Variants in COL23A1 observed in about 807,000 individuals in gnomAD.
The protein encoded by COL23A1 is collagen alpha-1(XXIII) chain.
Under a neutral mutation model 99.3 loss-of-function variants are expected in COL23A1, and 97 were observed. That is an observed-to-expected ratio of 0.98 (90% confidence interval 0.83 to 1.16). COL23A1 has a LOEUF of 1.16. COL23A1 is among the 50% of genes most tolerant of loss of function. The probability of loss-of-function intolerance (pLI) is 0.00; values close to 1 mark genes in which losing one functional copy is unlikely to be tolerated. For synonymous variants in COL23A1, 320 were observed against 308.2 expected, an observed-to-expected ratio of 1.04 and a Z score of -0.40; for missense variants, 762 against 757.4, an observed-to-expected ratio of 1.01 and a Z score of -0.07.
intron 2 of COL23A1, among the ~76,000 whole-genome samples, chr5:178,466,429 T>G (rs988111496): frequency 6.6e-6 from 1 of 152,204 alleles, no homozygotes; most frequent in South Asian, 2.1e-4. Context: ...GTGTTGATTC[T>G]AAGGCTTCCT....
chr5:178,319,393 G>A (rs767786248), intron 2 of COL23A1, among the ~76,000 whole-genome samples: 3 of 152,148 alleles, frequency 2.0e-5, no homozygotes, highest in Admixed American at 6.5e-5. Flanking sequence ...AGAATGAAAA[G>A]CTCTATTTTT....
At position 178,552,997 on chromosome 5, in the gene COL23A1, T is replaced by C. The variant is rs142951662; in HGVS notation, c.361+7685A>G. Among the ~76,000 whole-genome samples the C allele has an allele frequency of 6.0e-3, 909 of 152,146 alleles. 11 individuals are homozygous for C. Among genetic ancestry groups the C allele is most frequent in the African/African-American group, 0.02 (827 of 41,526 alleles). ...TGCTGGGATTACAGGCGTGAGCCAC[T>C]GCGCCTGGCCAGGAAAATTTTTTTT... On this transcript the variant is annotated intron_variant, in intron 2 of 28. Coordinates refer to ENST00000390654, the MANE Select transcript of COL23A1 (RefSeq NM_173465.4).
intron 2 of COL23A1, among the ~76,000 whole-genome samples, chr5:178,553,326 T>C (rs1425938710): frequency 3.9e-5 from 6 of 152,212 alleles, no homozygotes; most frequent in Admixed American, 3.9e-4. Flanking sequence ...ATCAACGAAA[T>C]GTATCAGGTT....
intron 2 of COL23A1, among the ~76,000 whole-genome samples, chr5:178,394,786 G>A (rs896417926): frequency 1.8e-4 from 28 of 152,202 alleles, no homozygotes; most frequent in Admixed American, 1.8e-3. Context: ...AGAATTACAA[G>A]GCCCTGGGTC....
At chr5:178,304,009 G>C (rs1244486428) in intron 3 of COL23A1, among the ~76,000 whole-genome samples, 1 of 152,190 alleles carries the variant, frequency 6.6e-6, no homozygotes, top group African/African-American at 2.4e-5. Context: ...GCACAGTTCT[G>C]GGATTCTCCA....
rs1033077575 is a variant in COL23A1, at chr5:178,310,444, G to T, written c.362-3525C>A. On this transcript the variant is annotated intron_variant, in intron 2 of 28. Coordinates refer to ENST00000390654, the MANE Select transcript of COL23A1 (RefSeq NM_173465.4). The surrounding 1 kb of genome is among the most constrained non-coding windows in gnomAD (Gnocchi z 4.3). ...AGGACTCCCTGTGCCCGCCCCGCAGGCTCACCTTCTGCCTCGCCAGTCCTC... is the reference window on the plus strand; with the variant it reads ...AGGACTCCCTGTGCCCGCCCCGCAGTCTCACCTTCTGCCTCGCCAGTCCTC... Among the ~76,000 whole-genome samples the T allele has an allele frequency of 6.6e-6, 1 of 152,224 alleles. No homozygotes were observed. The highest frequency in any genetic ancestry group is 6.5e-5 in the Admixed American group (1 of 15,282).
intron 2 of COL23A1, among the ~76,000 whole-genome samples, chr5:178,532,199 T>C (rs538987372): frequency 1.3e-5 from 2 of 152,352 alleles, no homozygotes; most frequent in East Asian, 3.9e-4. Flanking sequence ...TCCAGGCACA[T>C]TGTTTGCCAG....
At position 178,387,169 on chromosome 5, in the gene COL23A1, G is replaced by C. The variant is rs1370630353; in HGVS notation, c.362-80250C>G. Among the ~76,000 whole-genome samples, 1 of 151,812 alleles carries C rather than the reference G, an allele frequency of 6.6e-6. No homozygotes were observed. The highest frequency in any genetic ancestry group is 1.5e-5 in the Non-Finnish European group (1 of 67,970). On this transcript the variant is annotated intron_variant, in intron 2 of 28. Coordinates refer to ENST00000390654, the MANE Select transcript of COL23A1 (RefSeq NM_173465.4). This position sits in a 1 kb window ranked among gnomAD's most constrained non-coding sequence, Gnocchi z 4.7. ...TTTCTCTTTCATTTTACCCATCCTG[G>C]TGCTGACAGCTCACAGCAACCCTGC...
At chr5:178,449,913 C>T (rs965121056) in intron 2 of COL23A1, among the ~76,000 whole-genome samples, 1 of 152,146 alleles carries the variant, frequency 6.6e-6, no homozygotes, top group African/African-American at 2.4e-5. Flanking sequence ...TAGCCATCTG[C>T]TGACCGTATA....
At chr5:178,465,691 G>C (rs1756378539) in intron 2 of COL23A1, among the ~76,000 whole-genome samples, 4 of 152,232 alleles carry the variant, frequency 2.6e-5, no homozygotes, top group Admixed American at 2.6e-4. Context: ...ACGCAGCAGT[G>C]AACAGAAGAG....
intron 2 of COL23A1, among the ~76,000 whole-genome samples, chr5:178,326,264 T>C (rs1369369487): frequency 6.6e-6 from 1 of 152,208 alleles, no homozygotes; most frequent in Non-Finnish European, 1.5e-5. Context: ...CTACGCACTT[T>C]AGCACTGGCT....
At chr5:178,409,332 T>A (rs541192806) in intron 2 of COL23A1, among the ~76,000 whole-genome samples, 25 of 152,318 alleles carry the variant, frequency 1.6e-4, no homozygotes, top group African/African-American at 5.3e-4. Context: ...ATGGTATAAT[T>A]CCAGTTCTAA....
At chr5:178,267,460 G>A (rs1755969446) in intron 7 of COL23A1, 127 bp from the exon 8 acceptor site, 2 of 924,908 alleles carry the variant, frequency 2.2e-6, no homozygotes, top group Non-Finnish European at 3.2e-6. Flanking sequence ...ATAGCAGGCA[G>A]GCCCTATTTT....
At chr5:178,543,431 T>G (rs534964327) in intron 2 of COL23A1, among the ~76,000 whole-genome samples, 3 of 152,126 alleles carry the variant, frequency 2.0e-5, no homozygotes, top group Non-Finnish European at 4.4e-5. Context: ...ATAACAGTCC[T>G]TTTTTAAAAA....
At chr5:178,260,798 A>T (rs1004659866) in intron 11 of COL23A1, among the ~76,000 whole-genome samples, 2 of 152,174 alleles carry the variant, frequency 1.3e-5, no homozygotes, top group African/African-American at 4.8e-5. Context: ...CCATCTCAAA[A>T]AAAAAGATAA....
chr5:178,355,936 G>C (rs1409978824), intron 2 of COL23A1, among the ~76,000 whole-genome samples: 1 of 152,194 alleles, frequency 6.6e-6, no homozygotes, highest in Non-Finnish European at 1.5e-5. Flanking sequence ...TGAATGTTGA[G>C]TGAGCAAATA....
intron 2 of COL23A1, among the ~76,000 whole-genome samples, chr5:178,531,133 G>A (rs1246056526): frequency 6.6e-6 from 1 of 152,172 alleles, no homozygotes; most frequent in Non-Finnish European, 1.5e-5. Flanking sequence ...TCTCGAAGTG[G>A]TGGGATTACA....
At chr5:178,345,903 GGTT>G (rs1760943150) in intron 2 of COL23A1, among the ~76,000 whole-genome samples, 1 of 152,064 alleles carries the variant, frequency 6.6e-6, no homozygotes, top group Non-Finnish European at 1.5e-5. Context: ...CATTCACTTG[GGTT>G]TAAGACAGGA....
intron 20 of COL23A1, 131 bp downstream of exon 20, chr5:178,248,061 C>T (rs1261062710): frequency 2.6e-6 from 2 of 755,646 alleles, no homozygotes; most frequent in Non-Finnish European, 4.5e-6. Flanking sequence ...GGGTCTCGCT[C>T]CCCTTACTCT....
Sources: gnomAD v4.1 joint callset for allele counts (sites outside exome capture counted in the v4.1 genomes callset) on GRCh38, gnomAD v4.1.1 for gene constraint, Gnocchi (gnomAD v3.1) non-coding constraint, MANE v1.5 for transcripts, NCBI Gene and HGNC (gene_info 2026-07-23, HGNC 2026-07-21) for gene names.